COL8A1: variants seen among roughly 807,000 people sequenced by gnomAD.
COL8A1 encodes collagen alpha-1(VIII) chain.
COL8A1 carries 21 observed loss-of-function variants against 42.7 expected under a neutral mutation model. The ratio of observed to expected loss-of-function variants is 0.49; its 90% CI spans 0.35 to 0.71. The LOEUF is 0.71. Ranked by LOEUF, COL8A1 falls within the 30% of genes least tolerant of loss-of-function variation. The probability of loss-of-function intolerance (pLI) is 0.01; values close to 1 mark genes in which losing one functional copy is unlikely to be tolerated. For synonymous variants in COL8A1, 367 were observed against 369.1 expected (o/e 0.99, Z 0.06); for missense variants, 788 against 962.4 (o/e 0.82, Z 2.40).
intron 1 of COL8A1, chr3:99,680,430 A>G (rs1365492887): frequency 6.6e-6 from 1 of 152,116 alleles, no homozygotes; most frequent in Admixed American, 6.5e-5. Context: ...AGTCTTTGCT[A>G]TTGTGAATAG....
intron 1 of COL8A1, among the ~76,000 whole-genome samples, chr3:99,683,858 A>G (rs1374017331): frequency 6.6e-6 from 1 of 152,202 alleles, no homozygotes; most frequent in African/African-American, 2.4e-5. Flanking sequence ...CTTTCAGCCC[A>G]ACAGAAGTGC....
At chr3:99,722,866 G>A (rs1294287961) in intron 1 of COL8A1, among the ~76,000 whole-genome samples, 1 of 152,014 alleles carries the variant, frequency 6.6e-6, no homozygotes, top group East Asian at 1.9e-4. Context: ...AAATAACGTC[G>A]ATTGGAACTA....
At chr3:99,683,211 C>CTCCTTT (rs1257938163) in intron 1 of COL8A1, among the ~76,000 whole-genome samples, 1 of 152,090 alleles carries the variant, frequency 6.6e-6, no homozygotes, top group African/African-American at 2.4e-5. Flanking sequence ...CCTTTCTCCC[C>CTCCTTT]CATAAGACTC....
At chr3:99,750,049 C>CTTTTTT (rs1176042144) in intron 2 of COL8A1, among the ~76,000 whole-genome samples, 54 of 65,968 alleles carry the variant, frequency 8.2e-4, no homozygotes, top group East Asian at 1.1e-3. Flanking sequence ...TTTTTTTCTT[C>CTTTTTT]TTTTTTTTTT....
At chr3:99,672,172 C>T (rs187700245) in intron 1 of COL8A1, among the ~76,000 whole-genome samples, 1 of 151,984 alleles carries the variant, frequency 6.6e-6, no homozygotes, top group African/African-American at 2.4e-5. Flanking sequence ...CAGCTCAGAG[C>T]AGTAAGAATT....
At chr3:99,758,976 CT>C (rs1488541938) in intron 2 of COL8A1, among the ~76,000 whole-genome samples, 18 of 152,136 alleles carry the variant, frequency 1.2e-4, no homozygotes, top group African/African-American at 4.1e-4. Context: ...GTTGAACACT[CT>C]GCCTGTACAC....
intron 1 of COL8A1, among the ~76,000 whole-genome samples, chr3:99,712,967 A>T (rs1343804716): frequency 2.0e-5 from 3 of 152,150 alleles, no homozygotes; most frequent in Non-Finnish European, 4.4e-5. Context: ...TAGACTCAAA[A>T]GTAGAGAAAG....
chr3:99,709,648 T>G (rs1939781182), intron 1 of COL8A1, among the ~76,000 whole-genome samples: 1 of 152,136 alleles, frequency 6.6e-6, no homozygotes, highest in African/African-American at 2.4e-5. Context: ...AACCAAAAAC[T>G]AGTACCCACA....
chr3:99,751,462 G>T (rs974101471), intron 2 of COL8A1, among the ~76,000 whole-genome samples: 5 of 152,168 alleles, frequency 3.3e-5, no homozygotes, highest in Non-Finnish European at 5.9e-5. Flanking sequence ...GGAGGCTGAC[G>T]CAGGGAGAAT....
intron 1 of COL8A1, among the ~76,000 whole-genome samples, chr3:99,731,773 A>G (rs1940518422): frequency 6.6e-6 from 1 of 152,186 alleles, no homozygotes; most frequent in Non-Finnish European, 1.5e-5. Flanking sequence ...CGGAGGTATC[A>G]AAGGAGCCAG....
chr3:99,732,463 G>A (rs899812226), intron 1 of COL8A1, among the ~76,000 whole-genome samples: 21 of 152,120 alleles, frequency 1.4e-4, no homozygotes, highest in African/African-American at 5.1e-4. Flanking sequence ...CATGGCAGCA[G>A]CAAGGAGAAG....
intron 1 of COL8A1, among the ~76,000 whole-genome samples, chr3:99,643,571 C>T (rs1389319054): frequency 4.6e-5 from 7 of 152,170 alleles, no homozygotes; most frequent in South Asian, 4.1e-4. Context: ...AATTTTACTT[C>T]GTAGAAAACA....
At position 99,641,064 on chromosome 3, in the gene COL8A1, T is replaced by C. The variant is rs539143386; in HGVS notation, c.-129+2400T>C. Reference sequence around the variant, plus strand: ...ATGTGCATTTTAGATGTTCTACTACTGTCAAAATTATAAAATGATATCCTT... The same window carrying C: ...ATGTGCATTTTAGATGTTCTACTACCGTCAAAATTATAAAATGATATCCTT... On this transcript the variant is annotated intron_variant, in intron 1 of 3. Transcript: ENST00000652472. Among the ~76,000 whole-genome samples, 7 of 152,292 alleles carry C rather than the reference T, an allele frequency of 4.6e-5. No homozygotes were observed. In the East Asian group the frequency reaches 1.4e-3, roughly 29 times the overall value.
At chr3:99,680,061 A>G (rs1370694655) in intron 1 of COL8A1, 1 of 152,076 alleles carries the variant, frequency 6.6e-6, no homozygotes, top group East Asian at 1.9e-4. Flanking sequence ...TCTGTTACAT[A>G]TGTATACATG....
intron 2 of COL8A1, among the ~76,000 whole-genome samples, chr3:99,754,507 A>C (rs1243560323): frequency 6.6e-6 from 1 of 152,090 alleles, no homozygotes; most frequent in Non-Finnish European, 1.5e-5. Context: ...TCTATCGTCC[A>C]TAAGTGCTAG....
intron 2 of COL8A1, among the ~76,000 whole-genome samples, chr3:99,789,629 G>A (rs529121479): frequency 6.6e-6 from 1 of 152,232 alleles, no homozygotes; most frequent in South Asian, 2.1e-4. Context: ...CCAAACAGAG[G>A]TCTTTTCAAG....
chr3:99,735,005 C>T (rs552231665), intron 1 of COL8A1, among the ~76,000 whole-genome samples: 70 of 151,918 alleles, frequency 4.6e-4, no homozygotes, highest in African/African-American at 1.5e-3. Context: ...GATTTTGTAT[C>T]CTGAGACTTT....
chr3:99,686,542 G>A (rs1343203402), intron 1 of COL8A1, among the ~76,000 whole-genome samples: 1 of 152,124 alleles, frequency 6.6e-6, no homozygotes, highest in Non-Finnish European at 1.5e-5. Context: ...GTCTCTCAAG[G>A]CCCAGAGGCA....
chr3:99,741,181 C>A (rs558052827), intron 1 of COL8A1, among the ~76,000 whole-genome samples: 183 of 152,204 alleles, frequency 1.2e-3, no homozygotes, highest in African/African-American at 4.2e-3. Context: ...CCTTTCATTA[C>A]TAATGAGATT....
Sources: allele counts gnomAD v4.1 joint callset (sites outside exome capture counted in the v4.1 genomes callset), GRCh38; gene constraint gnomAD v4.1.1; transcripts MANE v1.5; gene names NCBI Gene and HGNC (gene_info 2026-07-23, HGNC 2026-07-21).